OXR1: variants seen among roughly 807,000 people sequenced by gnomAD.
OXR1 encodes the protein oxidation resistance 1.
OXR1 carries 41 observed loss-of-function variants against 104.6 expected under a neutral mutation model. That is an observed-to-expected ratio of 0.39 (90% CI 0.31 to 0.51). The LOEUF is 0.51. OXR1 is among the 20% of genes least tolerant of loss of function. The probability of loss-of-function intolerance (pLI) is 0.77; values close to 1 mark genes in which losing one functional copy is unlikely to be tolerated. For synonymous variants in OXR1, 348 were observed against 348.4 expected (o/e 1.00, Z 0.01); for missense variants, 955 against 1,031.9 (o/e 0.93, Z 1.02).
At chr8:106,662,741 A>G (rs1825885107) in intron 3 of OXR1, among the ~76,000 whole-genome samples, 1 of 152,172 alleles carries the variant, frequency 6.6e-6, no homozygotes, top group Non-Finnish European at 1.5e-5. Flanking sequence ...TGTAAAATAT[A>G]TTATGGGAGT....
intron 1 of OXR1, among the ~76,000 whole-genome samples, chr8:106,318,540 A>G (rs908785342): frequency 2.6e-5 from 4 of 152,174 alleles, no homozygotes; most frequent in African/African-American, 9.7e-5. Flanking sequence ...CTCAAATGTT[A>G]TAGATTTCAG....
At chr8:106,445,561 CACTT>C (rs1819979836) in intron 2 of OXR1, among the ~76,000 whole-genome samples, 1 of 152,202 alleles carries the variant, frequency 6.6e-6, no homozygotes, top group African/African-American at 2.4e-5. Context: ...TGCACGCTCT[CACTT>C]ACTTACCAAG....
intron 3 of OXR1, among the ~76,000 whole-genome samples, chr8:106,555,757 A>G (rs758641141): frequency 2.0e-5 from 3 of 151,888 alleles, no homozygotes; most frequent in African/African-American, 4.8e-5. Context: ...ATAAATGAAT[A>G]TGATAGTTTC....
At chr8:106,634,227 A>G (rs1224615646) in intron 3 of OXR1, among the ~76,000 whole-genome samples, 1 of 152,218 alleles carries the variant, frequency 6.6e-6, no homozygotes, top group African/African-American at 2.4e-5. Context: ...GAAATCCTCC[A>G]AAAACTAACA....
At chr8:106,351,379 G>A (rs781014819) in intron 1 of OXR1, among the ~76,000 whole-genome samples, 7 of 152,102 alleles carry the variant, frequency 4.6e-5, no homozygotes, top group Non-Finnish European at 7.4e-5. Flanking sequence ...AAGAACATAG[G>A]GGCTGCACAT....
chr8:106,639,481 T>C (rs1399160738), intron 3 of OXR1, among the ~76,000 whole-genome samples: 1 of 152,180 alleles, frequency 6.6e-6, no homozygotes, highest in Non-Finnish European at 1.5e-5. Flanking sequence ...AACGGGAGTG[T>C]TGAAAGCTGG....
intron 1 of OXR1, among the ~76,000 whole-genome samples, chr8:106,314,389 T>A (rs527280674): frequency 6.6e-6 from 1 of 152,216 alleles, no homozygotes; most frequent in Admixed American, 6.5e-5. Context: ...CAATATTTGA[T>A]ATGTTAATTA....
At chr8:106,466,468 A>G (rs1186711456) in intron 2 of OXR1, among the ~76,000 whole-genome samples, 1 of 151,868 alleles carries the variant, frequency 6.6e-6, no homozygotes, top group Non-Finnish European at 1.5e-5. Context: ...TATTCTTCAG[A>G]AGTTAAACCT....
chr8:106,298,276 AGGCCTCACAATCAT>A (rs917239518), intron 1 of OXR1, among the ~76,000 whole-genome samples: 2 of 152,202 alleles, frequency 1.3e-5, no homozygotes, highest in African/African-American at 4.8e-5. Flanking sequence ...ATGGCTAGAG[AGGCCTCACAATCAT>A]GGCAGAAGGC....
chr8:106,736,519 A>G (rs1834390934), intron 11 of OXR1, among the ~76,000 whole-genome samples: 3 of 152,204 alleles, frequency 2.0e-5, no homozygotes, highest in African/African-American at 7.2e-5. Context: ...ATTGATTACA[A>G]GAGGAACTAG....
At chr8:106,476,845 G>C (rs1234645293) in intron 2 of OXR1, among the ~76,000 whole-genome samples, 1 of 151,800 alleles carries the variant, frequency 6.6e-6, no homozygotes, top group Non-Finnish European at 1.5e-5. Context: ...TCATATAATG[G>C]CTTTTCTTTT....
chr8:106,572,782 C>A (rs1817564176), intron 3 of OXR1, among the ~76,000 whole-genome samples: 1 of 152,172 alleles, frequency 6.6e-6, no homozygotes, highest in Non-Finnish European at 1.5e-5. Context: ...ATTCTTCCAG[C>A]CTCTACCCAT....
At chr8:106,435,140 TG>T (rs1353341096) in intron 2 of OXR1, among the ~76,000 whole-genome samples, 5 of 152,062 alleles carry the variant, frequency 3.3e-5, no homozygotes, top group African/African-American at 1.2e-4. Context: ...GAACAGCAAA[TG>T]AACAGTGCTG....
At chr8:106,636,873 C>A (rs1297600226) in intron 3 of OXR1, among the ~76,000 whole-genome samples, 1 of 152,142 alleles carries the variant, frequency 6.6e-6, no homozygotes, top group Non-Finnish European at 1.5e-5. Flanking sequence ...TTATAGGAAG[C>A]CGCATTCTTA....
intron 2 of OXR1, among the ~76,000 whole-genome samples, chr8:106,500,508 T>A (rs1422819531): frequency 6.6e-6 from 1 of 152,198 alleles, no homozygotes; most frequent in South Asian, 2.1e-4. Flanking sequence ...ATGTAAAATC[T>A]TTAGTGTTGT....
chr8:106,391,389 G>T (rs1429400072), intron 2 of OXR1, among the ~76,000 whole-genome samples: 3 of 89,750 alleles, frequency 3.3e-5, no homozygotes, highest in Admixed American at 2.3e-4. Flanking sequence ...TTATGCATGT[G>T]GTAGTATAAA....
chr8:106,679,158 A>C, intron 3 of OXR1, 52 bp from the exon 4 acceptor site: 1 of 1,109,354 alleles, frequency 9.0e-7, no homozygotes, highest in East Asian at 2.4e-5. Context: ...AGTCCTTGAC[A>C]TTACTCTGAA....
Position 106,357,919 on chromosome 8 carries a change from G to C in OXR1, c.-138-1557G>C, listed in dbSNP as rs1586562275. Among the ~76,000 whole-genome samples the C allele has an allele frequency of 3.9e-5, 6 of 152,226 alleles. No individual in the cohort carries two copies. The East Asian group carries it at 9.7e-4, about 25-fold the overall frequency. Reference sequence around the variant, plus strand: ...GGCAGACGCTGCTAGTTTTCTGCCAGTATCCACTTCCCCACCTTCCTTACC... The same window carrying C: ...GGCAGACGCTGCTAGTTTTCTGCCACTATCCACTTCCCCACCTTCCTTACC... On this transcript the variant is annotated intron_variant, in intron 1 of 16. Transcript: ENST00000517566.
chr8:106,281,154 A>C (rs1473368699), intron 1 of OXR1, among the ~76,000 whole-genome samples: 1 of 152,180 alleles, frequency 6.6e-6, no homozygotes, highest in Non-Finnish European at 1.5e-5. Flanking sequence ...CATATAGAGC[A>C]TAGTTTGGTG....
Sources: allele counts gnomAD v4.1 joint callset (sites outside exome capture counted in the v4.1 genomes callset), GRCh38; gene constraint gnomAD v4.1.1; transcripts MANE v1.5; gene names NCBI Gene and HGNC (gene_info 2026-07-23, HGNC 2026-07-21).